Variants in ENG observed in about 807,000 individuals in gnomAD.
ENG encodes the protein CD105 antigen.
A neutral mutation model predicts 71.0 loss-of-function variants in ENG; 17 were observed. That is an observed-to-expected ratio of 0.24 (90% CI 0.16 to 0.36). The LOEUF (loss-of-function observed/expected upper bound fraction) is 0.36, where lower values mean the gene tolerates loss of function less well. ENG is among the 10% of genes least tolerant of loss of function. ENG has a pLI of 1.00. For synonymous variants in ENG, 360 were observed against 366.9 expected (o/e 0.98, Z 0.21); for missense variants, 749 against 868.3 (o/e 0.86, Z 1.73).
chr9:127,853,584 C>A (rs1829083428), intron 1 of ENG, among the ~76,000 whole-genome samples: 1 of 152,216 alleles, frequency 6.6e-6, no homozygotes, highest in South Asian at 2.1e-4. Context: ...ACTCCTGCAC[C>A]CTTTCTGGGG....
intron 1 of ENG, among the ~76,000 whole-genome samples, chr9:127,852,718 G>C (rs1390679163): frequency 6.6e-6 from 1 of 152,034 alleles, no homozygotes; most frequent in African/African-American, 2.4e-5. Context: ...GGTGCTACCG[G>C]GCACTGATTC....
rs1160908381 is a variant in ENG, at chr9:127,824,510, G to C, written c.992-64C>G. The C allele has an allele frequency of 6.1e-6, 7 of 1,141,490 alleles. No homozygotes were observed. In the Admixed American group the frequency reaches 1.8e-4, roughly 30 times the overall value. The allele number at this position is 1,141,490 out of a possible 1,614,324, so 70.7% of individuals were successfully genotyped here. A position where few individuals can be genotyped will look rare whatever the true frequency, so the allele number is the denominator to read the frequency against. On this transcript the variant is annotated intron_variant, in intron 7 of 14. Transcript: ENST00000373203. ...GTGTGATCACTGTGTGCCCGCACCA[G>C]GCTTTTTTTTTTTTTTTTTTTTTTT...
intron 2 of ENG, among the ~76,000 whole-genome samples, chr9:127,840,199 G>A (rs954255292): frequency 6.6e-6 from 1 of 152,254 alleles, no homozygotes; most frequent in Admixed American, 6.5e-5. Context: ...AGTTCAGCTG[G>A]AGGGCTGCCT....
In ENG at chr9:127,823,505, C is replaced by T. The variant is rs113265031; in HGVS notation, c.1134+799G>A. On this transcript the variant is annotated intron_variant, in intron 8 of 14. Transcript: ENST00000373203. ...CCGGGTTCACACCATTCTCCTGCCT[C>T]AGCCTCCCGATTAGCTGGGACTACA... is the stretch of plus-strand genomic sequence containing the variant. Among the ~76,000 whole-genome samples the T allele has an allele frequency of 6.8e-3, 1,025 of 151,798 alleles. 3 individuals are homozygous for T. Among genetic ancestry groups the T allele is most frequent in the Non-Finnish European group, 0.011 (762 of 67,932 alleles).
intron 12 of ENG, chr9:127,817,856 G>A (rs936128908): frequency 5.0e-5 from 29 of 578,690 alleles, no homozygotes; most frequent in Non-Finnish European, 8.9e-5. Context: ...ATGGACGGAC[G>A]GGTAAGTGAA....
intron 8 of ENG, 61 bp from the exon 9 acceptor site, chr9:127,820,098 C>T: frequency 6.3e-7 from 1 of 1,589,564 alleles, no homozygotes. Flanking sequence ...CTGCCACACC[C>T]CAGCACCAAG....
rs1588573831 is a variant in ENG, at chr9:127,817,157, TCAGGGC to T, written c.1727_1732del (p.Ser576_Asp578delinsAsn). The T allele has an allele frequency of 1.7e-5, 27 of 1,613,962 alleles. No homozygotes were observed. The highest frequency in any genetic ancestry group is 2.3e-5 in the Non-Finnish European group (27 of 1,179,966). The stretch of plus-strand genomic sequence containing the variant: ...ACCTGGAGGGAGCTCACCAGACAGG[TCAGGGC>T]TGATGATGTTCAAGCGCATGAAGAC... On this transcript the variant is annotated inframe_deletion, in exon 13 of 15. Transcript: ENST00000373203.
intron 1 of ENG, among the ~76,000 whole-genome samples, 180 bp downstream of exon 1, chr9:127,854,109 C>T (rs1276234113): frequency 6.6e-6 from 1 of 152,234 alleles, no homozygotes; most frequent in Non-Finnish European, 1.5e-5. Flanking sequence ...TCTTTCAACA[C>T]TGAAAGTCCT....
At chr9:127,825,484 G>T in intron 5 of ENG, 127 bp from the exon 6 acceptor site, 1 of 1,486,806 alleles carries the variant, frequency 6.7e-7, no homozygotes, top group South Asian at 1.2e-5. Context: ...ATAGGGATGG[G>T]ACTGGGGCCA....
At chr9:127,842,754 A>G (rs1831069462) in intron 2 of ENG, among the ~76,000 whole-genome samples, 1 of 152,148 alleles carries the variant, frequency 6.6e-6, no homozygotes, top group Non-Finnish European at 1.5e-5. Context: ...CAAGCTCCCT[A>G]GAGAGGAGCT....
chr9:127,825,406 G>C, intron 5 of ENG, 49 bp from the exon 6 acceptor site: 1 of 1,602,772 alleles, frequency 6.2e-7, no homozygotes, highest in Non-Finnish European at 8.5e-7. Flanking sequence ...CAGGCCAGGC[G>C]GGGAGCGAGG....
chr9:127,824,420 G>T lies in ENG; in HGVS notation c.1018C>A (p.Pro340Thr). Residue 340 changes from proline to threonine, a missense_variant, in exon 8 of 15, where the codon CCG becomes ACG. Coordinates refer to ENST00000373203, the MANE Select transcript of ENG (RefSeq NM_001114753.3). ...CGGRLQTSPA[P>T]IQTTPPKDTC... Reference sequence around the variant, plus strand: ...TCCTTGGGAGGAGTGGTCTGGATCGGTGCGGGTGAGGTCTGCAGCCTACCA... The same window carrying T: ...TCCTTGGGAGGAGTGGTCTGGATCGTTGCGGGTGAGGTCTGCAGCCTACCA... 6.2e-7 allele frequency: 1 copy of T among 1,614,124 alleles called. No individual in the cohort carries two copies. Among genetic ancestry groups the T allele is most frequent in the Non-Finnish European group, 8.5e-7 (1 of 1,180,020 alleles).
intron 2 of ENG, among the ~76,000 whole-genome samples, chr9:127,835,279 G>A (rs1024351308): frequency 3.3e-5 from 5 of 152,194 alleles, no homozygotes; most frequent in Admixed American, 6.5e-5. Flanking sequence ...GATTACAGGC[G>A]TGAGCCACCA....
At chr9:127,841,091 G>A (rs1831019818) in intron 2 of ENG, 1 of 152,482 alleles carries the variant, frequency 6.6e-6, no homozygotes, top group Admixed American at 6.5e-5. Context: ...TCTATTCTGT[G>A]CTCTTCCACA....
At position 127,842,974 on chromosome 9, in the gene ENG, A is replaced by C. The variant is rs1831075766; in HGVS notation, c.219+120T>G. ...GAGATGCCCACATCACTCTCTTGGC[A>C]GGGGGCCTAACGAGGACTCAGCCAC... On this transcript the variant is annotated intron_variant, in intron 2 of 14. Coordinates refer to ENST00000373203, the MANE Select transcript of ENG (RefSeq NM_001114753.3). The C allele has an allele frequency of 2.3e-5, 34 of 1,475,100 alleles. No homozygotes were observed. The South Asian group carries it at 3.8e-4, about 16-fold the overall frequency. 91.4% of individuals were successfully genotyped at this position (1,475,100 alleles called of 1,614,324 possible). A position where few individuals can be genotyped will look rare whatever the true frequency, so the allele number is the denominator to read the frequency against.
rs940261789 is a variant in ENG, at chr9:127,854,481, C to T, written c.-126G>A. 79 of 1,027,658 alleles carry T rather than the reference C, an allele frequency of 7.7e-5. No individual in the cohort carries two copies. Among genetic ancestry groups the T allele is most frequent in the Middle Eastern group, 3.0e-4 (1 of 3,382 alleles). The allele number at this position is 1,027,658 out of a possible 1,614,324, so 63.7% of individuals were successfully genotyped here. A position where few individuals can be genotyped will look rare whatever the true frequency, so the allele number is the denominator to read the frequency against. On this transcript the variant is annotated 5_prime_UTR_variant, in exon 1 of 15. Coordinates refer to ENST00000373203, the MANE Select transcript of ENG (RefSeq NM_001114753.3). Reference sequence around the variant, plus strand: ...GGGGAGCAGGCGGCCGGAGCGACGGCGTCCCTGCTCCAGCCTTCTGGGGTG... The same window carrying T: ...GGGGAGCAGGCGGCCGGAGCGACGGTGTCCCTGCTCCAGCCTTCTGGGGTG...
At chr9:127,817,843 T>C in intron 12 of ENG, 1 of 558,932 alleles carries the variant, frequency 1.8e-6, no homozygotes, top group Non-Finnish European at 3.2e-6. Flanking sequence ...GGTGGATGGA[T>C]GGATGGACGG....
intron 2 of ENG, among the ~76,000 whole-genome samples, chr9:127,830,219 A>G (rs1017564688): frequency 2.0e-5 from 3 of 150,746 alleles, no homozygotes; most frequent in African/African-American, 4.9e-5. Context: ...GTGGGTGCCT[A>G]TAATCTCAGC....
At chr9:127,842,420 ATTTT>A (rs981652518) in intron 2 of ENG, among the ~76,000 whole-genome samples, 1 of 145,626 alleles carries the variant, frequency 6.9e-6, no homozygotes, top group Non-Finnish European at 1.5e-5. Context: ...TTTTATTTTT[ATTTT>A]TTTATTTTTT....
Sources: allele counts gnomAD v4.1 joint callset (sites outside exome capture counted in the v4.1 genomes callset), GRCh38; gene constraint gnomAD v4.1.1; transcripts MANE v1.5; gene names NCBI Gene and HGNC (gene_info 2026-07-23, HGNC 2026-07-21).